KCNT1: variants seen among roughly 807,000 people sequenced by gnomAD.
KCNT1 encodes potassium sodium-activated channel subfamily T member 1.
Under a neutral mutation model 147.8 loss-of-function variants are expected in KCNT1, and 78 were observed. The ratio of observed to expected loss-of-function variants is 0.53; its 90% CI spans 0.44 to 0.64. The LOEUF (loss-of-function observed/expected upper bound fraction) is 0.64, where lower values mean the gene tolerates loss of function less well. Among genes scored for constraint, KCNT1 ranks in the 30% least tolerant of loss-of-function variants. The pLI is 0.00. For missense variants in KCNT1, 1,419 were observed against 1,750.3 expected (o/e 0.81, Z 3.38); for synonymous variants, 867 against 748.8 (o/e 1.16, Z -2.58).
At chr9:135,774,416 GTGTC>G (rs76420718) in intron 19 of KCNT1, among the ~76,000 whole-genome samples, 20,201 of 147,500 alleles carry the variant, frequency 0.14, 1,594 homozygotes, top group East Asian at 0.25. Flanking sequence ...TGTGTGGTGT[GTGTC>G]TGTGTGTTGT....
rs1197580873 is a variant in KCNT1 at position 135,758,162 on chromosome 9, G to A, written c.760-252G>A. 3.3e-5 allele frequency among the ~76,000 whole-genome samples: 5 copies of A among 150,080 alleles called. 1 individual carries two copies. In the East Asian group the frequency reaches 5.9e-4, roughly 18 times the overall value. Reference sequence around the variant, plus strand: ...GTGGGCTGCCCCGTGGGCCTCAGCCGAGACACAGGTGTGGCCAGGTGCAGG... The same window carrying A: ...GTGGGCTGCCCCGTGGGCCTCAGCCAAGACACAGGTGTGGCCAGGTGCAGG... On this transcript the variant is annotated intron_variant, in intron 9 of 30. Coordinates refer to ENST00000371757, the MANE Select transcript of KCNT1 (RefSeq NM_020822.3).
chr9:135,781,132 C>T (rs564305383), intron 24 of KCNT1, among the ~76,000 whole-genome samples: 61 of 152,338 alleles, frequency 4.0e-4, no homozygotes, highest in African/African-American at 1.4e-3. Context: ...GCGGCCAGCT[C>T]TCCATCTCAG....
Position 135,795,007 on chromosome 9 carries a change from G to C in KCNT1, c.*2846G>C, listed in dbSNP as rs1322145816. 6.6e-6 allele frequency: 1 copy of C among 152,160 alleles called. No individual in the cohort carries two copies. Among genetic ancestry groups the C allele is most frequent in the Non-Finnish European group, 1.5e-5 (1 of 68,024 alleles). The allele number at this position is 152,160 out of a possible 1,614,324, so 9.4% of individuals were successfully genotyped here. The stretch of plus-strand genomic sequence containing the variant: ...TTCCCTAAGAAGTCATCACTGCCTA[G>C]AATAAGCGAAAAGAATTTTTTTTAA... On this transcript the variant is annotated 3_prime_UTR_variant, in exon 31 of 31. Coordinates refer to ENST00000371757, the MANE Select transcript of KCNT1 (RefSeq NM_020822.3).
chr9:135,743,158 T>C (rs1830649629), intron 2 of KCNT1, among the ~76,000 whole-genome samples: 1 of 152,036 alleles, frequency 6.6e-6, no homozygotes, highest in African/African-American at 2.4e-5. Context: ...GGGCTCTGGC[T>C]CAGCCCACCT....
At chr9:135,732,019 GAGAGA>G (rs1564328239) in intron 2 of KCNT1, among the ~76,000 whole-genome samples, 5 of 130,138 alleles carry the variant, frequency 3.8e-5, no homozygotes, top group Non-Finnish European at 8.2e-5. Flanking sequence ...GAGAGAGAGA[GAGAGA>G]GAGAGAGAGA....
chr9:135,772,497 C>T (rs1832825440), intron 18 of KCNT1, among the ~76,000 whole-genome samples: 1 of 152,174 alleles, frequency 6.6e-6, no homozygotes, highest in Non-Finnish European at 1.5e-5. Flanking sequence ...CACTGGGGCC[C>T]CCTGGGTCTT....
intron 10 of KCNT1, 27 bp from the exon 11 acceptor site, chr9:135,759,652 G>A (rs748462527): frequency 1.9e-6 from 3 of 1,574,766 alleles, no homozygotes; most frequent in South Asian, 1.2e-5. Context: ...TGGGCCCCAG[G>A]CCGCCCCTCA....
Position 135,764,825 on chromosome 9 carries a change from G to A in KCNT1, c.1036-206G>A, listed in dbSNP as rs11103174. 0.16 allele frequency among the ~76,000 whole-genome samples: 25,011 copies of A among 152,024 alleles called. 2,319 individuals carry two copies. Among genetic ancestry groups the A allele is most frequent in the African/African-American group, 0.23 (9,536 of 41,452 alleles). On this transcript the variant is annotated intron_variant, in intron 11 of 30. Coordinates refer to ENST00000371757, the MANE Select transcript of KCNT1 (RefSeq NM_020822.3). ...TTGGTCCCCACACATCCTGCCAGCC[G>A]GGCCTGCGTCCTGCTCTGTGTCATC...
chr9:135,703,501 G>C (rs1048591516), intron 1 of KCNT1, among the ~76,000 whole-genome samples: 6 of 152,222 alleles, frequency 3.9e-5, no homozygotes, highest in African/African-American at 1.2e-4. Flanking sequence ...GGGAGTCCGG[G>C]GTACAGCGTG....
At chr9:135,782,376 C>T (rs1336016818) in intron 24 of KCNT1, among the ~76,000 whole-genome samples, 1 of 152,200 alleles carries the variant, frequency 6.6e-6, no homozygotes, top group Non-Finnish European at 1.5e-5. Context: ...TCTCCAGCAC[C>T]CAGGACTCCT....
Position 135,792,197 on chromosome 9 carries a change from G to T in KCNT1, c.*36G>T. The T allele has an allele frequency of 6.3e-7, 1 of 1,591,572 alleles. No individual in the cohort carries two copies. On this transcript the variant is annotated 3_prime_UTR_variant, in exon 31 of 31. Transcript: ENST00000371757. Reference sequence around the variant, plus strand: ...CACGGAGCTCAGGCCACCAAGCCCGGGGTCCTCAGGAAGGACGTGGAGGAG... The same window carrying T: ...CACGGAGCTCAGGCCACCAAGCCCGTGGTCCTCAGGAAGGACGTGGAGGAG...
At position 135,786,379 on chromosome 9, in the gene KCNT1, G is replaced by T. The variant is rs768977873; in HGVS notation, c.3360G>T (p.Ala1120=). Residue 1120 remains alanine, a synonymous_variant, in exon 29 of 31, where the codon GCG becomes GCT. Transcript: ENST00000371757. ...LQWARRLSRK[A]PKQAGRAAAA... ...GGGCCCGGAGGCTGAGCCGCAAGGC[G>T]CCCAAGCAGGCAGGCCGGGCGGCGG... The T allele has an allele frequency of 2.5e-6, 4 of 1,576,664 alleles. No individual in the cohort carries two copies. The highest frequency in any genetic ancestry group is 3.4e-6 in the Non-Finnish European group (4 of 1,162,290).
At chr9:135,781,926 T>A (rs1833639095) in intron 24 of KCNT1, among the ~76,000 whole-genome samples, 1 of 151,966 alleles carries the variant, frequency 6.6e-6, no homozygotes, top group Non-Finnish European at 1.5e-5. Context: ...ATACAAAAAA[T>A]TTAATGGCTG....
chr9:135,776,803 G>A (rs1028131233), intron 20 of KCNT1, among the ~76,000 whole-genome samples: 2 of 152,324 alleles, frequency 1.3e-5, no homozygotes, highest in East Asian at 3.9e-4. Context: ...GCCTTCAAGC[G>A]GCTTCTGGGT....
intron 10 of KCNT1, among the ~76,000 whole-genome samples, chr9:135,759,187 C>A (rs189190212): frequency 1.3e-5 from 2 of 152,314 alleles, no homozygotes; most frequent in Admixed American, 1.3e-4. Context: ...GCCCATTAGA[C>A]CTCCCAGCCT....
At chr9:135,790,166 C>A (rs185317271) in intron 29 of KCNT1, 6 of 152,310 alleles carry the variant, frequency 3.9e-5, no homozygotes, top group Admixed American at 3.9e-4. Flanking sequence ...TCTCGGTGTC[C>A]CACTGGGTGC....
chr9:135,727,535 C>T (rs1343155799), intron 2 of KCNT1, among the ~76,000 whole-genome samples: 5 of 152,050 alleles, frequency 3.3e-5, no homozygotes, highest in East Asian at 1.9e-4. Flanking sequence ...AGGCCCAGCC[C>T]GAGGGGCCTG....
chr9:135,714,572 C>G lies in KCNT1; in HGVS notation c.111-5C>G. 1 of 1,278,278 alleles carries G rather than the reference C, an allele frequency of 7.8e-7. No individual in the cohort carries two copies. Among genetic ancestry groups the G allele is most frequent in the Non-Finnish European group, 1.0e-6 (1 of 997,912 alleles). 79.2% of individuals were successfully genotyped at this position (1,278,278 alleles called of 1,614,324 possible). ...GGGCTGAGGGGCGCTGGCGTGTGCC[C>G]GCAGGCGGCCCTGCGCGGGGGACGG... On this transcript the variant is annotated splice_polypyrimidine_tract_variant and splice_region_variant and intron_variant, in intron 1 of 30. Coordinates refer to ENST00000371757, the MANE Select transcript of KCNT1 (RefSeq NM_020822.3). This position sits in a 1 kb window ranked among gnomAD's most constrained non-coding sequence, Gnocchi z 6.2.
At chr9:135,717,114 GGA>G in intron 2 of KCNT1, among the ~76,000 whole-genome samples, 1 of 151,454 alleles carries the variant, frequency 6.6e-6, no homozygotes, top group African/African-American at 2.4e-5. Context: ...GGGAGGGAGG[GGA>G]CCTGGCCCTG....
Sources: allele counts gnomAD v4.1 joint callset (sites outside exome capture counted in the v4.1 genomes callset), GRCh38; gene constraint gnomAD v4.1.1; non-coding constraint Gnocchi (gnomAD v3.1); transcripts MANE v1.5; gene names NCBI Gene and HGNC (gene_info 2026-07-23, HGNC 2026-07-21).